The following TCHH variants were observed in gnomAD, a reference collection of about 807,000 sequenced individuals.
The protein encoded by TCHH is trichohyalin.
In TCHH, 6 loss-of-function variants were observed where a neutral mutation model predicts 6.3. The observed-to-expected ratio is 0.95, with a 90% CI of 0.52 to 1.88. The LOEUF (loss-of-function observed/expected upper bound fraction) is 1.88. Ranked by LOEUF, TCHH falls within the 40% of genes most tolerant of loss-of-function variation. TCHH has a pLI of 0.01. For missense variants in TCHH, 2,920 were observed against 2,449.1 expected, an observed-to-expected ratio of 1.19 and a Z score of -4.06; for synonymous variants, 1,087 against 963.6, an observed-to-expected ratio of 1.13 and a Z score of -2.37.
In TCHH at chr1:152,110,881, C is replaced by T. The variant is rs766143883; in HGVS notation, c.2336G>A (p.Arg779Lys). The change falls in exon 3 of 3, where the codon AGG becomes AAG. Residue 779 changes from arginine to lysine, a missense_variant. By Grantham distance (26) the Arg-to-Lys change is conservative. Transcript: ENST00000614923. ...WQWQAEEKSE[R>K]GRQRLSARPP... ...CCTGGCCGACAGCCTCTGACGGCCC[C>T]TCTCGCTCTTTTCCTCCGCCTGCCA... The T allele has an allele frequency of 1.9e-6, 3 of 1,611,032 alleles. No homozygotes were observed. The highest frequency in any genetic ancestry group is 1.3e-5 in the African/African-American group (1 of 74,882).
chr1:152,112,706 C>G lies in TCHH; in HGVS notation c.511G>C (p.Glu171Gln), dbSNP rs768116644. 6.2e-7 allele frequency: 1 copy of G among 1,614,118 alleles called. No individual in the cohort carries two copies. The highest frequency in any genetic ancestry group is 8.5e-7 in the Non-Finnish European group (1 of 1,180,038). ...LEQRDRQRRDEELWRQRQEWQ... is the reference protein window; with the variant it reads ...LEQRDRQRRDQELWRQRQEWQ... Reference sequence around the variant, plus strand: ...TCTTGCCTTTGCCGCCACAGCTCCTCGTCGCGGCGCTGCCTGTCGCGCTGT... The same window carrying G: ...TCTTGCCTTTGCCGCCACAGCTCCTGGTCGCGGCGCTGCCTGTCGCGCTGT... The change falls in exon 3 of 3, where the codon GAG becomes CAG. Residue 171 changes from glutamate to glutamine, a missense_variant. By Grantham distance (29) the Glu-to-Gln change is conservative. Transcript: ENST00000614923.
chr1:152,109,168 TCCTC>T lies in TCHH; in HGVS notation c.4045_4048del (p.Glu1349AsnfsTer74). On this transcript the variant is annotated frameshift_variant, in exon 3 of 3. Transcript: ENST00000614923. LOFTEE classifies it low-confidence loss of function (END_TRUNC). ...ACGCTCTTGGCGGCGCAGCGGCTGT[TCCTC>T]CCTTTCCTGGAGCAGCTGTTCCTCC... 1 of 1,613,690 alleles carries T rather than the reference TCCTC, an allele frequency of 6.2e-7. No individual in the cohort carries two copies.
chr1:152,114,492 G>T (rs947571989), intron 1 of TCHH, among the ~76,000 whole-genome samples: 1 of 152,170 alleles, frequency 6.6e-6, no homozygotes, highest in Non-Finnish European at 1.5e-5. Context: ...GAGCGAAGAG[G>T]ACAGGTAAAA....
At position 152,113,984 on chromosome 1, in the gene TCHH, G is replaced by T; in HGVS notation, c.97C>A (p.Leu33Met). The T allele has an allele frequency of 6.2e-7, 1 of 1,613,874 alleles. No homozygotes were observed. Among genetic ancestry groups the T allele is most frequent in the South Asian group, 1.1e-5 (1 of 91,032 alleles). The change falls in exon 2 of 3, where the codon CTG becomes ATG. Residue 33 changes from leucine (L) to methionine (M), a missense_variant. Leu to Met is a conservative substitution (Grantham distance 15). Transcript: ENST00000614923. ...CDGAALTKKDLKNLLEREFGA... is the reference protein window; with the variant it reads ...CDGAALTKKDMKNLLEREFGA... Reference sequence around the variant, plus strand: ...AATTCCCTTTCAAGGAGGTTCTTCAGGTCTTTCTTAGTTAATGCTGCTCCA... The same window carrying T: ...AATTCCCTTTCAAGGAGGTTCTTCATGTCTTTCTTAGTTAATGCTGCTCCA...
Position 152,113,000 on chromosome 1 carries a change from C to G in TCHH, c.217G>C (p.Glu73Gln). ...LDSNGRVDFN[E>Q]FLLFIFKVAQ... The stretch of plus-strand genomic sequence containing the variant: ...ACTTTGAAAATAAATAGGAGGAATT[C>G]GTTGAAATCGACACGCCCATTACTG... The change falls in exon 3 of 3, where the codon GAA (glutamate) becomes CAA (glutamine). Residue 73 changes from glutamate (E) to glutamine (Q), a missense_variant. By Grantham distance (29) the Glu-to-Gln change is conservative. Transcript: ENST00000614923. 3.7e-6 allele frequency: 6 copies of G among 1,614,062 alleles called. No homozygotes were observed. Among genetic ancestry groups the G allele is most frequent in the African/African-American group, 2.7e-5 (2 of 74,998 alleles).
In TCHH at chr1:152,107,742, T is replaced by C; in HGVS notation, c.5475A>G (p.Glu1825=). The C allele has an allele frequency of 6.2e-7, 1 of 1,614,258 alleles. No individual in the cohort carries two copies. The highest frequency in any genetic ancestry group is 1.1e-5 in the South Asian group (1 of 91,088). Residue 1825 remains glutamate, a synonymous_variant, in exon 3 of 3, where the codon GAA becomes GAG. Coordinates refer to ENST00000614923, the MANE Select transcript of TCHH (RefSeq NM_007113.4). ...CTTGTTCCTCAAGTTGGAGCTGCTC[T>C]TCTTCCCAGCGATACTTTCCGTCAC... ...QQRDGKYRWE[E]EQLQLEEQEQ...
chr1:152,108,583 C>T lies in TCHH; in HGVS notation c.4634G>A (p.Arg1545His), dbSNP rs370858914. 1.7e-5 allele frequency: 27 copies of T among 1,605,948 alleles called. No individual in the cohort carries two copies. The highest frequency in any genetic ancestry group is 1.7e-4 in the Middle Eastern group (1 of 5,992). The change falls in exon 3 of 3, where the codon CGC becomes CAC. Residue 1545 changes from arginine to histidine, a missense_variant. By Grantham distance (29) the Arg-to-His change is conservative. Coordinates refer to ENST00000614923, the MANE Select transcript of TCHH (RefSeq NM_007113.4). ...ACGGTCCTGACGCCGCTGTTGCCCGCGCTCCTGGCGGCGCAGCTGCTGTTC... is the reference window on the plus strand; with the variant it reads ...ACGGTCCTGACGCCGCTGTTGCCCGTGCTCCTGGCGGCGCAGCTGCTGTTC... Reference protein sequence around the residue: ...QEEQQLRRQERGQQRRQDRDR... With the variant: ...QEEQQLRRQEHGQQRRQDRDR...
rs1358646840 is a variant in TCHH, at chr1:152,112,331, G to A, written c.886C>T (p.Gln296Ter). Residue 296 changes from glutamine to a stop codon, truncating the protein, a stop_gained, in exon 3 of 3, where the codon CAG (glutamine) becomes TAG (stop). Coordinates refer to ENST00000614923, the MANE Select transcript of TCHH (RefSeq NM_007113.4). LOFTEE classifies it low-confidence loss of function (END_TRUNC). ...LRRERQEEEQQQQRLRREQQL... is the reference protein window; with the variant it reads ...LRRERQEEEQ The stretch of plus-strand genomic sequence containing the variant: ...TGCTCGCGCCTCAGCCTTTGCTGCT[G>A]CTGCTCTTCCTCCTGGCGCTCCCTC... 6.2e-7 allele frequency: 1 copy of A among 1,612,840 alleles called. No individual in the cohort carries two copies. Among genetic ancestry groups the A allele is most frequent in the Non-Finnish European group, 8.5e-7 (1 of 1,179,948 alleles).
Position 152,109,316 on chromosome 1 carries a change from G to C in TCHH, c.3901C>G (p.Arg1301Gly), listed in dbSNP as rs747993259. 14 of 1,614,002 alleles carry C rather than the reference G, an allele frequency of 8.7e-6. No individual in the cohort carries two copies. In the Admixed American group the frequency reaches 2.0e-4, roughly 23 times the overall value. Residue 1301 changes from arginine (R) to glycine (G), a missense_variant, in exon 3 of 3, where the codon CGA (arginine) becomes GGA (glycine). Physicochemically the swap from Arg to Gly is moderately radical, Grantham distance 125. Coordinates refer to ENST00000614923, the MANE Select transcript of TCHH (RefSeq NM_007113.4). ...RHFPEEEQLE[R>G]EEQKEAKRRD... ...CTTTTGGCTTCCTTTTGCTCTTCTC[G>C]CTCCAGCTGTTCTTCCTCTGGGAAA...
In TCHH at chr1:152,112,837, C is replaced by T. The variant is rs1482954112; in HGVS notation, c.380G>A (p.Arg127Lys). The change falls in exon 3 of 3, where the codon AGA (arginine) becomes AAA (lysine). Residue 127 changes from arginine to lysine, a missense_variant. Arg to Lys is a conservative substitution (Grantham distance 26, BLOSUM62 2). Transcript: ENST00000614923. ...TTGCCCAGGTTCTTCTTCCAGTTGT[C>T]TGTCCCGGGGCTCGAATCTCCTTTG... Reference protein sequence around the residue: ...EDQRRFEPRDRQLEEEPGQRR... With the variant: ...EDQRRFEPRDKQLEEEPGQRR... 4 of 1,613,854 alleles carry T rather than the reference C, an allele frequency of 2.5e-6. No individual in the cohort carries two copies. The highest frequency in any genetic ancestry group is 1.3e-5 in the African/African-American group (1 of 74,848).
chr1:152,115,119 T>C (rs2101536191), intron 1 of TCHH, among the ~76,000 whole-genome samples: 1 of 152,236 alleles, frequency 6.6e-6, no homozygotes, highest in South Asian at 2.1e-4. Flanking sequence ...AGATAGCAGT[T>C]TTTAGGAAGA....
At position 152,112,052 on chromosome 1, in the gene TCHH, G is replaced by T; in HGVS notation, c.1165C>A (p.Leu389Met). 7.3e-7 allele frequency: 1 copy of T among 1,373,258 alleles called. No homozygotes were observed. The highest frequency in any genetic ancestry group is 1.3e-5 in the South Asian group (1 of 76,594). The allele number at this position is 1,373,258 out of a possible 1,614,324, so 85.1% of individuals were successfully genotyped here. A position where few individuals can be genotyped will look rare whatever the true frequency, so the allele number is the denominator to read the frequency against. Reference protein sequence around the residue: ...REQQLRREQQLRREQQLRREQ... With the variant: ...REQQLRREQQMRREQQLRREQ... ...CGCCTCAGCTGCTGCTCGCGCCTCA[G>T]CTGCTGCTCGCGCCTCAGCTGCTGC... The change falls in exon 3 of 3, where the codon CTG (leucine) becomes ATG (methionine). Residue 389 changes from leucine (L) to methionine (M), a missense_variant. Leu to Met is a conservative substitution (Grantham distance 15). Coordinates refer to ENST00000614923, the MANE Select transcript of TCHH (RefSeq NM_007113.4).
Position 152,108,150 on chromosome 1 carries a change from A to C in TCHH, c.5067T>G (p.Arg1689=). Residue 1689 remains arginine (R), a synonymous_variant, in exon 3 of 3, where the codon CGT becomes CGG. Transcript: ENST00000614923. ...GEEQQLRRQE[R]DRKFREEEQQ... ...GTTCCTCTTCGCGGAATTTTCTGTC[A>C]CGCTCTTGGCGGCGCAGCTGCTGTT... 1 of 1,596,124 alleles carries C rather than the reference A, an allele frequency of 6.3e-7. No homozygotes were observed. Among genetic ancestry groups the C allele is most frequent in the Non-Finnish European group, 8.5e-7 (1 of 1,175,028 alleles).
At position 152,108,126 on chromosome 1, in the gene TCHH, T is replaced by C. The variant is rs1572154404; in HGVS notation, c.5091A>G (p.Glu1697=). 1.9e-6 allele frequency: 3 copies of C among 1,612,912 alleles called. No individual in the cohort carries two copies. The Admixed American group carries it at 5.0e-5, about 27-fold the overall frequency. The part of the protein sequence containing the change: ...QERDRKFREE[E]QQLRRQERER... Reference sequence around the variant, plus strand: ...CTCGTTCCTGACGGCGGAGCTGCTGTTCCTCTTCGCGGAATTTTCTGTCAC... The same window carrying C: ...CTCGTTCCTGACGGCGGAGCTGCTGCTCCTCTTCGCGGAATTTTCTGTCAC... Residue 1697 remains glutamate (E), a synonymous_variant, in exon 3 of 3, where the codon GAA becomes GAG. Transcript: ENST00000614923.
chr1:152,112,635 CT>C lies in TCHH; in HGVS notation c.581del (p.Gln194ArgfsTer25), dbSNP rs1658418407. On this transcript the variant is annotated frameshift_variant, in exon 3 of 3. Transcript: ENST00000614923. LOFTEE classifies it low-confidence loss of function (END_TRUNC). Reference protein sequence around the residue: ...EERRAEEEQLQSCKGHETEEF... With the variant: ...EERRAEEEQLXSCKGHETEEF... The stretch of plus-strand genomic sequence containing the variant: ...CCTCAGTTTCGTGACCTTTGCAACT[CT>C]GCAGCTGCTCTTCCTCTGCACGGCG... 6.2e-7 allele frequency: 1 copy of C among 1,613,714 alleles called. No homozygotes were observed. Among genetic ancestry groups the C allele is most frequent in the African/African-American group, 1.3e-5 (1 of 74,870 alleles).
Position 152,112,607 on chromosome 1 carries a change from ACTC to A in TCHH, c.607_609del (p.Glu203del), listed in dbSNP as rs771238637. On this transcript the variant is annotated inframe_deletion, in exon 3 of 3. Transcript: ENST00000614923. ...CTTCGCAGTTGCTCTTCGTCTGGAA[ACTC>A]CTCAGTTTCGTGACCTTTGCAACTC... The A allele has an allele frequency of 6.2e-7, 1 of 1,605,980 alleles. No individual in the cohort carries two copies. The highest frequency in any genetic ancestry group is 1.1e-5 in the South Asian group (1 of 90,806).
rs1428148011 is a variant in TCHH, at chr1:152,112,236, C to T, written c.981G>A (p.Arg327=). 1 of 1,601,590 alleles carries T rather than the reference C, an allele frequency of 6.2e-7. No individual in the cohort carries two copies. Among genetic ancestry groups the T allele is most frequent in the Non-Finnish European group, 8.5e-7 (1 of 1,177,494 alleles). ...QQEERREQQE[R]REQQEERREQ... ...CGCGCCTCTCCTCCTGCTGCTCGCG[C>T]CTCTCCTGCTGCTCGCGCCTCTCCT... The change falls in exon 3 of 3, where the codon AGG becomes AGA. Residue 327 remains arginine, a synonymous_variant. Coordinates refer to ENST00000614923, the MANE Select transcript of TCHH (RefSeq NM_007113.4).
chr1:152,109,741 T>G lies in TCHH; in HGVS notation c.3476A>C (p.Glu1159Ala). ...CTCCAGCTCCTGGCGCCTTCTCTTC[T>G]CCGGTTCCTCTCTCAGCAGCTGCTC... ...EEEQLLREEP[E>A]KRRRQELERQ... The change falls in exon 3 of 3, where the codon GAG (glutamate) becomes GCG (alanine). Residue 1159 changes from glutamate (E) to alanine (A), a missense_variant. By Grantham distance (107) the Glu-to-Ala change is moderately radical (BLOSUM62 -1). Transcript: ENST00000614923. 1 of 1,606,562 alleles carries G rather than the reference T, an allele frequency of 6.2e-7. No individual in the cohort carries two copies.
Position 152,112,875 on chromosome 1 carries a change from C to A in TCHH, c.342G>T (p.Arg114Ser). 1 of 1,613,926 alleles carries A rather than the reference C, an allele frequency of 6.2e-7. No individual in the cohort carries two copies. The highest frequency in any genetic ancestry group is 8.5e-7 in the Non-Finnish European group (1 of 1,180,022). The change falls in exon 3 of 3, where the codon AGG (arginine) becomes AGT (serine). Residue 114 changes from arginine (R) to serine (S), a missense_variant. Arg to Ser is a moderately radical substitution (Grantham distance 110, BLOSUM62 -1). Transcript: ENST00000614923. The part of the protein sequence containing the change: ...DGKESLLQDR[R>S]QEEDQRRFEP... The stretch of plus-strand genomic sequence containing the variant: ...CGAATCTCCTTTGGTCTTCTTCTTG[C>A]CTGCGATCTTGTAACAGGCTCTCCT...
Sources: allele counts gnomAD v4.1 joint callset (sites outside exome capture counted in the v4.1 genomes callset), GRCh38; gene constraint gnomAD v4.1.1; transcripts MANE v1.5; gene names NCBI Gene and HGNC (gene_info 2026-07-23, HGNC 2026-07-21).